The following EBF2 variants were observed in gnomAD, a reference collection of about 807,000 sequenced individuals.
EBF2 encodes the protein transcription factor COE2.
A neutral mutation model predicts 72.8 loss-of-function variants in EBF2; 21 were observed. The ratio of observed to expected loss-of-function variants is 0.29; its 90% CI spans 0.20 to 0.42. The LOEUF (loss-of-function observed/expected upper bound fraction) is 0.42. Ranked by LOEUF, EBF2 falls within the 10% of genes least tolerant of loss-of-function variation. EBF2 has a pLI of 1.00. For synonymous variants in EBF2, 299 were observed against 274.2 expected (o/e 1.09, Z -0.89); for missense variants, 637 against 731.2 (o/e 0.87, Z 1.49).
intron 6 of EBF2, among the ~76,000 whole-genome samples, chr8:25,991,003 G>A (rs977406395): frequency 6.6e-6 from 1 of 152,080 alleles, no homozygotes; most frequent in African/African-American, 2.4e-5. Flanking sequence ...GCAGCTAATG[G>A]GTCTGGGAAA....
intron 6 of EBF2, among the ~76,000 whole-genome samples, chr8:26,022,834 C>G (rs1805225545): frequency 6.6e-6 from 1 of 152,174 alleles, no homozygotes; most frequent in African/African-American, 2.4e-5. Flanking sequence ...TCCTTATAGG[C>G]TTTGGTCTAG....
chr8:26,037,978 G>C (rs952080575), intron 5 of EBF2, among the ~76,000 whole-genome samples: 1 of 152,210 alleles, frequency 6.6e-6, no homozygotes, highest in Non-Finnish European at 1.5e-5. Flanking sequence ...ATGAAACTAA[G>C]TATATGCAAT....
At chr8:25,985,135 C>T (rs1804427923) in intron 6 of EBF2, among the ~76,000 whole-genome samples, 1 of 152,228 alleles carries the variant, frequency 6.6e-6, no homozygotes, top group African/African-American at 2.4e-5. Flanking sequence ...GGAAATTAAC[C>T]AGGATAACTC....
intron 6 of EBF2, among the ~76,000 whole-genome samples, chr8:26,016,687 G>A (rs1585228856): frequency 6.6e-6 from 1 of 152,094 alleles, no homozygotes; most frequent in Non-Finnish European, 1.5e-5. Flanking sequence ...GTAGAGAGAT[G>A]GGTGGGTAGA....
chr8:26,015,568 G>A (rs1287695564), intron 6 of EBF2, among the ~76,000 whole-genome samples: 1 of 152,184 alleles, frequency 6.6e-6, no homozygotes, highest in Admixed American at 6.5e-5. Context: ...CGGATAGGGC[G>A]ACATGGAGAT....
chr8:25,915,429 A>C (rs529929240), intron 6 of EBF2, among the ~76,000 whole-genome samples: 1 of 152,286 alleles, frequency 6.6e-6, no homozygotes, highest in South Asian at 2.1e-4. Context: ...TAAAACAAGC[A>C]AACAAATAAA....
intron 6 of EBF2, among the ~76,000 whole-genome samples, chr8:26,024,660 G>A (rs1308515097): frequency 6.6e-6 from 1 of 152,088 alleles, no homozygotes; most frequent in Admixed American, 6.6e-5. Context: ...TCAATGCTTG[G>A]CAGTCAGAGA....
At chr8:25,945,599 G>A (rs1317245367) in intron 6 of EBF2, among the ~76,000 whole-genome samples, 2 of 151,316 alleles carry the variant, frequency 1.3e-5, no homozygotes, top group Non-Finnish European at 2.9e-5. Flanking sequence ...TCCTCTTTCT[G>A]TAGACCTCTT....
chr8:26,024,051 G>C (rs1014970828), intron 6 of EBF2, among the ~76,000 whole-genome samples: 2 of 152,094 alleles, frequency 1.3e-5, no homozygotes, highest in South Asian at 4.1e-4. Flanking sequence ...CAAAATCTGG[G>C]CCCAAATAAT....
At chr8:26,041,077 C>A (rs979130236) in intron 2 of EBF2, 75 bp from the exon 3 acceptor site, 12 of 1,526,712 alleles carry the variant, frequency 7.9e-6, no homozygotes, top group Non-Finnish European at 9.0e-6. Context: ...ACAGTGAATC[C>A]CCACCTCACA....
chr8:26,001,041 G>A (rs116807584), intron 6 of EBF2, among the ~76,000 whole-genome samples: 5 of 152,184 alleles, frequency 3.3e-5, no homozygotes, highest in Non-Finnish European at 7.3e-5. Context: ...TTTAGCAAAT[G>A]ACTCCTAGCA....
chr8:25,858,408 T>C lies in EBF2; in HGVS notation c.1439A>G (p.Asn480Ser). 6.2e-7 allele frequency: 1 copy of C among 1,614,154 alleles called. No individual in the cohort carries two copies. The highest frequency in any genetic ancestry group is 1.1e-5 in the South Asian group (1 of 91,082). The part of the protein sequence containing the change: ...SNYSTSSNSM[N>S]GYSNVPMANL... ...GGCCATGGGGACATTGCTGTAGCCA[T>C]TCATACTGTTGCTGGAGGTACTGTA... is the stretch of plus-strand genomic sequence containing the variant. Residue 480 changes from asparagine (N) to serine (S), a missense_variant, in exon 14 of 16, where the codon AAT becomes AGT. This residue lies in a region of EBF2 where 259 missense variants were observed against 268.1 expected (regional missense o/e 0.97). Transcript: ENST00000520164.
chr8:25,880,165 T>C (rs1001010607), intron 10 of EBF2, among the ~76,000 whole-genome samples: 10 of 152,224 alleles, frequency 6.6e-5, no homozygotes, highest in African/African-American at 2.2e-4. Context: ...ATAAGTCTTT[T>C]TATACTTAAG....
chr8:25,883,354 A>G (rs1802633389), intron 10 of EBF2, among the ~76,000 whole-genome samples: 2 of 151,182 alleles, frequency 1.3e-5, no homozygotes, highest in African/African-American at 2.4e-5. Context: ...TAGTGCCCCT[A>G]TAACCCTTTT....
At chr8:25,981,499 T>G (rs1355795776) in intron 6 of EBF2, among the ~76,000 whole-genome samples, 2 of 152,032 alleles carry the variant, frequency 1.3e-5, no homozygotes, top group East Asian at 3.9e-4. Flanking sequence ...GCACCTGCAT[T>G]TCCCAGTGTA....
intron 7 of EBF2, among the ~76,000 whole-genome samples, chr8:25,897,962 C>G (rs1802885863): frequency 6.6e-6 from 1 of 152,152 alleles, no homozygotes; most frequent in African/African-American, 2.4e-5. Context: ...AGGAACCAGA[C>G]AGCACTGTGT....
chr8:25,877,338 G>A (rs1444029159), intron 10 of EBF2, among the ~76,000 whole-genome samples: 2 of 152,102 alleles, frequency 1.3e-5, no homozygotes, highest in Admixed American at 6.5e-5. Flanking sequence ...TCTCCTCTCC[G>A]CCTAGGCTAG....
At chr8:26,024,287 C>A (rs1337229147) in intron 6 of EBF2, among the ~76,000 whole-genome samples, 1 of 152,084 alleles carries the variant, frequency 6.6e-6, no homozygotes, top group African/African-American at 2.4e-5. Flanking sequence ...GAGTGCTTAT[C>A]CTTTTATCTC....
Position 26,044,658 on chromosome 8 carries a change from G to T in EBF2, c.131+71C>A, listed in dbSNP as rs1419294671. 23 of 1,561,412 alleles carry T rather than the reference G, an allele frequency of 1.5e-5. No individual in the cohort carries two copies. Among genetic ancestry groups the T allele is most frequent in the South Asian group, 1.4e-4 (12 of 84,936 alleles). On this transcript the variant is annotated intron_variant, in intron 1 of 15. Transcript: ENST00000520164. This position sits in a 1 kb window ranked among gnomAD's most constrained non-coding sequence, Gnocchi z 4.1. ...AGAGAGAAAGGCACGGGGTGCGCGG[G>T]GGGGGTGCACACGGAGAGACAGACC...
Sources: gnomAD v4.1 joint callset for allele counts (sites outside exome capture counted in the v4.1 genomes callset) on GRCh38, gnomAD v4.1.1 for gene constraint, gnomAD v4.1.1 regional missense constraint, Gnocchi (gnomAD v3.1) non-coding constraint, MANE v1.5 for transcripts, NCBI Gene and HGNC (gene_info 2026-07-23, HGNC 2026-07-21) for gene names.